SLC26A8: variants seen among roughly 807,000 people sequenced by gnomAD.
The protein encoded by SLC26A8 is solute carrier family 26 member 8.
Under a neutral mutation model 105.0 loss-of-function variants are expected in SLC26A8, and 70 were observed. That is an observed-to-expected ratio of 0.67 (90% CI 0.55 to 0.81). The LOEUF is 0.81. SLC26A8 is among the 40% of genes least tolerant of loss of function. The pLI is 0.00. For missense variants in SLC26A8, 998 were observed against 1,181.8 expected, an observed-to-expected ratio of 0.84 and a Z score of 2.28; for synonymous variants, 415 against 438.3, an observed-to-expected ratio of 0.95 and a Z score of 0.66.
chr6:35,962,445 A>T, intron 12 of SLC26A8, 81 bp downstream of exon 12: 1 of 1,139,644 alleles, frequency 8.8e-7, no homozygotes. Flanking sequence ...GGTCCATGGC[A>T]GATCTCTTTT....
chr6:35,985,373 A>G (rs1209287776), intron 7 of SLC26A8, among the ~76,000 whole-genome samples: 1 of 152,076 alleles, frequency 6.6e-6, no homozygotes, highest in Non-Finnish European at 1.5e-5. Flanking sequence ...GCTTGAAGGA[A>G]CATCACTATG....
chr6:36,018,667 A>G (rs1353601963), intron 2 of SLC26A8, among the ~76,000 whole-genome samples: 1 of 152,262 alleles, frequency 6.6e-6, no homozygotes, highest in African/African-American at 2.4e-5. Flanking sequence ...TATGTTATAC[A>G]TATTTCACCA....
chr6:35,967,995 CT>C (rs1368010730), intron 11 of SLC26A8, among the ~76,000 whole-genome samples: 6 of 151,314 alleles, frequency 4.0e-5, no homozygotes, highest in African/African-American at 1.5e-4. Context: ...TTACAGGCAC[CT>C]GTCACCACAC....
In SLC26A8 at chr6:35,961,096, G is replaced by C. The variant is rs1032623115; in HGVS notation, c.1465C>G (p.Leu489Val). 2 of 1,612,086 alleles carry C rather than the reference G, an allele frequency of 1.2e-6. No individual in the cohort carries two copies. Among genetic ancestry groups the C allele is most frequent in the East Asian group, 2.2e-5 (1 of 44,878 alleles). Residue 489 changes from leucine (L) to valine (V), a missense_variant, in exon 13 of 20, where the codon CTT becomes GTT. Coordinates refer to ENST00000490799, the MANE Select transcript of SLC26A8 (RefSeq NM_052961.4). ...GAAGATGAGAATGTCATCATCCAAA[G>C]AGCCTTATGGAAAAGGGAATGAGGG... ...LWRQDQYDCA[L>V]WMMTFSSSIF...
intron 5 of SLC26A8, 124 bp downstream of exon 5, chr6:35,997,614 C>T: frequency 9.7e-7 from 1 of 1,032,002 alleles, no homozygotes; most frequent in Non-Finnish European, 1.4e-6. Context: ...TCTGATTTTT[C>T]AAAAAATAAA....
chr6:36,016,859 A>C (rs1008609187), intron 2 of SLC26A8, among the ~76,000 whole-genome samples: 4 of 152,168 alleles, frequency 2.6e-5, no homozygotes, highest in African/African-American at 9.7e-5. Flanking sequence ...AATTCATAGA[A>C]GGAAACATAG....
At position 36,019,659 on chromosome 6, in the gene SLC26A8, T is replaced by C. The variant is rs777381698; in HGVS notation, c.49A>G (p.Arg17Gly). ...ACATCATATGCGAATGAGTTTCGCC[T>C]GGACTTAGAGCTGAAGCCAGAGATG... Reference protein sequence around the residue: ...SAISGFSSKSRRNSFAYDVKR... With the variant: ...SAISGFSSKSGRNSFAYDVKR... The change falls in exon 2 of 20, where the codon AGG (arginine) becomes GGG (glycine). Residue 17 changes from arginine to glycine, a missense_variant. Transcript: ENST00000490799. 6.2e-7 allele frequency: 1 copy of C among 1,614,118 alleles called. No homozygotes were observed. The highest frequency in any genetic ancestry group is 8.5e-7 in the Non-Finnish European group (1 of 1,179,998).
At chr6:36,016,899 C>A (rs1411754659) in intron 2 of SLC26A8, among the ~76,000 whole-genome samples, 1 of 152,066 alleles carries the variant, frequency 6.6e-6, no homozygotes, top group East Asian at 1.9e-4. Flanking sequence ...TGGCCCAGAG[C>A]GGTGGCTCAT....
At chr6:35,961,174 C>A (rs954784103) in intron 12 of SLC26A8, 75 bp from the exon 13 acceptor site, 6 of 1,173,836 alleles carry the variant, frequency 5.1e-6, no homozygotes, top group Non-Finnish European at 7.4e-6. Context: ...TCCTGTTTCT[C>A]AACTCACCTT....
At chr6:35,999,158 T>G (rs1761449041) in intron 4 of SLC26A8, among the ~76,000 whole-genome samples, 1 of 152,182 alleles carries the variant, frequency 6.6e-6, no homozygotes. Context: ...CCTCCCAAAG[T>G]GCTGCGATTA....
chr6:35,986,856 T>A (rs1184503190), intron 7 of SLC26A8, among the ~76,000 whole-genome samples: 1 of 152,208 alleles, frequency 6.6e-6, no homozygotes, highest in Non-Finnish European at 1.5e-5. Flanking sequence ...ATACCACATG[T>A]ATCCATTTAT....
chr6:35,991,635 A>T, intron 7 of SLC26A8, 24 bp downstream of exon 7: 1 of 1,503,118 alleles, frequency 6.7e-7, no homozygotes, highest in Non-Finnish European at 8.9e-7. Context: ...CAAACTATGA[A>T]TTTGAGACAT....
At chr6:35,990,679 A>G (rs1761114634) in intron 7 of SLC26A8, among the ~76,000 whole-genome samples, 1 of 152,220 alleles carries the variant, frequency 6.6e-6, no homozygotes, top group African/African-American at 2.4e-5. Context: ...AATAAAAATA[A>G]AACATTTATG....
chr6:35,999,738 A>G (rs1487618328), intron 4 of SLC26A8, among the ~76,000 whole-genome samples: 1 of 152,142 alleles, frequency 6.6e-6, no homozygotes, highest in Non-Finnish European at 1.5e-5. Context: ...ATGTGTGATG[A>G]TTTCTTAAGG....
intron 8 of SLC26A8, among the ~76,000 whole-genome samples, chr6:35,979,007 AT>A (rs34335766): frequency 0.071 from 6,981 of 98,304 alleles, 258 homozygotes; most frequent in African/African-American, 0.09. Context: ...CACCTGGCTA[AT>A]TTTTTTTTTT....
At chr6:35,956,462 A>G (rs1172382408) in intron 16 of SLC26A8, among the ~76,000 whole-genome samples, 2 of 151,328 alleles carry the variant, frequency 1.3e-5, no homozygotes, top group Non-Finnish European at 2.9e-5. Flanking sequence ...TACATGAGCA[A>G]GGCTGTCTTT....
At chr6:36,014,725 CA>C (rs1761950844) in intron 2 of SLC26A8, among the ~76,000 whole-genome samples, 1 of 151,924 alleles carries the variant, frequency 6.6e-6, no homozygotes. Flanking sequence ...ACTAAAAATA[CA>C]AAAATAAACG....
chr6:36,010,923 GTAAA>G (rs1437597617), intron 3 of SLC26A8, among the ~76,000 whole-genome samples: 1 of 152,138 alleles, frequency 6.6e-6, no homozygotes, highest in African/African-American at 2.4e-5. Flanking sequence ...AAACAAATAA[GTAAA>G]TAAAGATTTA....
chr6:35,982,298 G>C lies in SLC26A8; in HGVS notation c.943-95C>G, dbSNP rs9470186. The C allele has an allele frequency of 0.2, 232,622 of 1,182,108 alleles. 23,849 individuals are homozygous for C. Among genetic ancestry groups the C allele is most frequent in the Middle Eastern group, 0.22 (1,116 of 5,188 alleles). 73.2% of individuals were successfully genotyped at this position (1,182,108 alleles called of 1,614,324 possible). On this transcript the variant is annotated intron_variant, in intron 7 of 19. Transcript: ENST00000490799. ...CAGAGTTGCCCATTGCCTCTGGCAGGACAGAAAATGAAACAGGCAGCAGTC... is the reference window on the plus strand; with the variant it reads ...CAGAGTTGCCCATTGCCTCTGGCAGCACAGAAAATGAAACAGGCAGCAGTC...
Sources: allele counts gnomAD v4.1 joint callset (sites outside exome capture counted in the v4.1 genomes callset), GRCh38; gene constraint gnomAD v4.1.1; transcripts MANE v1.5; gene names NCBI Gene and HGNC (gene_info 2026-07-23, HGNC 2026-07-21).